BIRC6: variants seen among roughly 807,000 people sequenced by gnomAD.
The protein encoded by BIRC6 is baculoviral IAP repeat containing 6.
BIRC6 carries 98 observed loss-of-function variants against 503.3 expected under a neutral mutation model. That is an observed-to-expected ratio of 0.19 (90% CI 0.17 to 0.23). The LOEUF (loss-of-function observed/expected upper bound fraction) is 0.23, where lower values mean the gene tolerates loss of function less well. BIRC6 is among the 10% of genes least tolerant of loss of function. The probability of loss-of-function intolerance (pLI) is 1.00; values close to 1 mark genes in which losing one functional copy is unlikely to be tolerated. For missense variants in BIRC6, 5,360 were observed against 5,806.0 expected (o/e 0.92, Z 2.50); for synonymous variants, 2,240 against 2,078.7 (o/e 1.08, Z -2.11).
intron 30 of BIRC6, 128 bp from the exon 31 acceptor site, chr2:32,470,040 A>C (rs927096545): frequency 1.2e-6 from 1 of 843,296 alleles, no homozygotes; most frequent in Non-Finnish European, 1.6e-6. Context: ...TCCCAGTCTG[A>C]AATATGGTAT....
intron 46 of BIRC6, among the ~76,000 whole-genome samples, chr2:32,500,600 G>GT (rs1169227018): frequency 0.011 from 1,163 of 102,808 alleles, 12 homozygotes; most frequent in South Asian, 0.029. Flanking sequence ...TTTTGTTTTT[G>GT]TTTTTGTTTT....
intron 1 of BIRC6, among the ~76,000 whole-genome samples, chr2:32,369,931 A>T: frequency 2.5e-5 from 1 of 40,216 alleles, no homozygotes; most frequent in South Asian, 1.2e-3. Flanking sequence ...TCTCTTAAAA[A>T]AAAAAAAAAA....
At chr2:32,529,560 T>C (rs2056563546) in intron 59 of BIRC6, 91 bp from the exon 60 acceptor site, 10 of 1,197,474 alleles carry the variant, frequency 8.4e-6, no homozygotes, top group Non-Finnish European at 1.1e-5. Context: ...AATCAAACTC[T>C]TGCCTGTAAT....
intron 65 of BIRC6, among the ~76,000 whole-genome samples, chr2:32,556,597 C>T (rs1303495995): frequency 2.0e-5 from 3 of 151,934 alleles, no homozygotes; most frequent in East Asian, 1.9e-4. Flanking sequence ...GTTGTATTTC[C>T]GCTATATAAT....
At chr2:32,604,554 A>T (rs142717128) in intron 71 of BIRC6, among the ~76,000 whole-genome samples, 36 of 152,376 alleles carry the variant, frequency 2.4e-4, no homozygotes, top group African/African-American at 8.4e-4. Context: ...CATGTCATAA[A>T]GTATTTTTTG....
intron 5 of BIRC6, among the ~76,000 whole-genome samples, chr2:32,392,487 C>G (rs1016080445): frequency 1.3e-5 from 2 of 152,166 alleles, no homozygotes; most frequent in Non-Finnish European, 2.9e-5. Context: ...AACTCCTGAC[C>G]TCAGGTGATC....
intron 2 of BIRC6, 145 bp downstream of exon 2, chr2:32,377,914 T>A: frequency 1.4e-6 from 1 of 690,656 alleles, no homozygotes; most frequent in Non-Finnish European, 2.3e-6. Context: ...CAACTTCATT[T>A]AAATATTAAT....
intron 73 of BIRC6, among the ~76,000 whole-genome samples, chr2:32,615,753 G>C (rs1325254872): frequency 6.6e-6 from 1 of 152,060 alleles, no homozygotes; most frequent in Non-Finnish European, 1.5e-5. Flanking sequence ...TCCTGCCTCA[G>C]CCTCCCAAGT....
At position 32,496,887 on chromosome 2, in the gene BIRC6, A is replaced by G. The variant is rs560000287; in HGVS notation, c.8469-2660A>G. Among the ~76,000 whole-genome samples, 17 of 152,040 alleles carry G rather than the reference A, an allele frequency of 1.1e-4. No homozygotes were observed. The East Asian group carries it at 2.7e-3, about 24-fold the overall frequency. On this transcript the variant is annotated intron_variant, in intron 45 of 73. Transcript: ENST00000421745. ...GGTTCCCCTCCCCCCATCCAGTTGT[A>G]CTCGTTCGGACTTCAAGTATGCTGT...
intron 6 of BIRC6, among the ~76,000 whole-genome samples, chr2:32,398,343 G>C (rs1432136096): frequency 1.3e-5 from 2 of 152,128 alleles, no homozygotes; most frequent in Non-Finnish European, 2.9e-5. Flanking sequence ...TCATATAATA[G>C]ACTGTGGTCC....
At chr2:32,460,039 C>T (rs1042352695) in intron 23 of BIRC6, among the ~76,000 whole-genome samples, 6 of 148,466 alleles carry the variant, frequency 4.0e-5, no homozygotes, top group Non-Finnish European at 5.9e-5. Flanking sequence ...ATCATTTTAT[C>T]GTCGTTTTTT....
chr2:32,553,192 T>A (rs1192674322), intron 65 of BIRC6, among the ~76,000 whole-genome samples: 2 of 40,574 alleles, frequency 4.9e-5, no homozygotes, highest in African/African-American at 8.3e-5. Context: ...AGTGAAACTC[T>A]GTCTCAAAAA....
intron 59 of BIRC6, chr2:32,527,830 T>G (rs2056401968): frequency 6.6e-6 from 1 of 152,172 alleles, no homozygotes. Flanking sequence ...CGAAATGGTT[T>G]TGAATCAGGG....
At chr2:32,563,546 G>A (rs1050327257) in intron 65 of BIRC6, 8 of 152,024 alleles carry the variant, frequency 5.3e-5, no homozygotes, top group African/African-American at 7.2e-5. Context: ...GCTTTTCCTC[G>A]TATTAGTGTT....
chr2:32,552,220 T>G (rs2058474431), intron 65 of BIRC6, among the ~76,000 whole-genome samples: 1 of 152,198 alleles, frequency 6.6e-6, no homozygotes, highest in Non-Finnish European at 1.5e-5. Context: ...CAGGTATACG[T>G]TAGATACTTT....
intron 70 of BIRC6, 140 bp downstream of exon 70, chr2:32,600,040 A>T: frequency 3.9e-6 from 3 of 761,680 alleles, no homozygotes; most frequent in South Asian, 3.9e-5. Flanking sequence ...CGTCCAGATT[A>T]GCTTAAGCAA....
intron 35 of BIRC6, 110 bp downstream of exon 35, chr2:32,477,693 G>A: frequency 9.6e-6 from 6 of 628,118 alleles, no homozygotes; most frequent in Non-Finnish European, 1.5e-5. Flanking sequence ...GAGTCTAGGA[G>A]TTCCAGACTA....
intron 64 of BIRC6, chr2:32,549,072 G>A (rs1014055147): frequency 6.7e-6 from 2 of 299,880 alleles, no homozygotes; most frequent in Non-Finnish European, 1.2e-5. Flanking sequence ...TATGTTCGTA[G>A]TTGTATTGCT....
chr2:32,571,426 T>A (rs1470445599), intron 65 of BIRC6, among the ~76,000 whole-genome samples: 1 of 146,418 alleles, frequency 6.8e-6, no homozygotes, highest in Non-Finnish European at 1.5e-5. Flanking sequence ...TTATTATGAT[T>A]GAATCTCACT....
Sources: gnomAD v4.1 joint callset for allele counts (sites outside exome capture counted in the v4.1 genomes callset) on GRCh38, gnomAD v4.1.1 for gene constraint, MANE v1.5 for transcripts, NCBI Gene and HGNC (gene_info 2026-07-23, HGNC 2026-07-21) for gene names.